DPY19L2: variants seen among roughly 807,000 people sequenced by gnomAD.
DPY19L2 encodes the protein dpy-19 like 2.
DPY19L2 carries 34 observed loss-of-function variants against 97.9 expected under a neutral mutation model. The observed-to-expected ratio is 0.35, with a 90% CI of 0.26 to 0.46. The LOEUF (loss-of-function observed/expected upper bound fraction) is 0.46. Among genes scored for constraint, DPY19L2 ranks in the 20% least tolerant of loss-of-function variants. The pLI, the probability that DPY19L2 is intolerant of heterozygous loss-of-function variation, is 1.00. For synonymous variants in DPY19L2, 230 were observed against 307.9 expected (o/e 0.75, Z 2.65); for missense variants, 623 against 911.4 (o/e 0.68, Z 4.07).
chr12:63,668,043 T>C lies in DPY19L2; in HGVS notation c.337+14A>G. 2 of 1,611,732 alleles carry C rather than the reference T, an allele frequency of 1.2e-6. No homozygotes were observed. Among genetic ancestry groups the C allele is most frequent in the Non-Finnish European group, 1.7e-6 (2 of 1,178,850 alleles). ...ATGCGGCTCCCTCCTAGGGCTCTCC[T>C]GCCCTCTCCTCACCGATGCCGAGAG... is the stretch of plus-strand genomic sequence containing the variant. On this transcript the variant is annotated intron_variant, in intron 1 of 21. Coordinates refer to ENST00000324472, the MANE Select transcript of DPY19L2 (RefSeq NM_173812.5).
At position 63,592,970 on chromosome 12, in the gene DPY19L2, G is replaced by A. The variant is rs1385938520; in HGVS notation, c.1580+1117C>T. ...AAAAAACAAACAACCCCATCAAAAA[G>A]TGGGTGAAGGACATGAACAGACACT... On this transcript the variant is annotated intron_variant, in intron 16 of 21. Coordinates refer to ENST00000324472, the MANE Select transcript of DPY19L2 (RefSeq NM_173812.5). 3.1e-3 allele frequency among the ~76,000 whole-genome samples: 466 copies of A among 151,366 alleles called. 1 individual carries two copies. Among genetic ancestry groups the A allele is most frequent in the Non-Finnish European group, 4.4e-3 (300 of 67,782 alleles).
chr12:63,567,949 G>A (rs1193543730), intron 21 of DPY19L2, among the ~76,000 whole-genome samples: 4 of 151,862 alleles, frequency 2.6e-5, no homozygotes, highest in South Asian at 4.1e-4. Flanking sequence ...TGACTATAAT[G>A]TTCCTTGCTT....
chr12:63,594,173 T>A (rs1883686447), intron 15 of DPY19L2, 40 bp from the exon 16 acceptor site: 3 of 1,352,830 alleles, frequency 2.2e-6, no homozygotes, highest in African/African-American at 2.9e-5. Flanking sequence ...TTGTAAGGAA[T>A]ACTGCAATAT....
intron 21 of DPY19L2, among the ~76,000 whole-genome samples, chr12:63,567,071 C>T (rs1877871901): frequency 6.6e-6 from 1 of 152,048 alleles, no homozygotes; most frequent in Non-Finnish European, 1.5e-5. Flanking sequence ...AATATTCACT[C>T]TACAGTGCCA....
chr12:63,585,657 G>A (rs1881674069), intron 16 of DPY19L2, among the ~76,000 whole-genome samples: 1 of 152,122 alleles, frequency 6.6e-6, no homozygotes, highest in African/African-American at 2.4e-5. Flanking sequence ...CAAGAACCCT[G>A]AAAGTAACTA....
At chr12:63,638,203 G>A (rs1386279372) in intron 6 of DPY19L2, among the ~76,000 whole-genome samples, 1 of 152,062 alleles carries the variant, frequency 6.6e-6, no homozygotes, top group Non-Finnish European at 1.5e-5. Context: ...TTGATGGGAT[G>A]TATCTCAAAA....
chr12:63,652,353 A>G (rs1174527284), intron 4 of DPY19L2, among the ~76,000 whole-genome samples: 1 of 152,148 alleles, frequency 6.6e-6, no homozygotes, highest in East Asian at 1.9e-4. Context: ...ACACTGTGGA[A>G]AGCAGTTTGG....
In DPY19L2 at chr12:63,661,497, G is replaced by T. The variant is rs552749867; in HGVS notation, c.451-16C>A. ...AATAAAGTCCCTTTTTTTAAAAAAAGACATATATTGTCAATGTAATTAAAA... is the reference window on the plus strand; with the variant it reads ...AATAAAGTCCCTTTTTTTAAAAAAATACATATATTGTCAATGTAATTAAAA... On this transcript the variant is annotated splice_polypyrimidine_tract_variant and intron_variant, in intron 3 of 21. Coordinates refer to ENST00000324472, the MANE Select transcript of DPY19L2 (RefSeq NM_173812.5). The T allele has an allele frequency of 6.7e-7, 1 of 1,492,198 alleles. No individual in the cohort carries two copies. The highest frequency in any genetic ancestry group is 8.9e-7 in the Non-Finnish European group (1 of 1,119,514). 92.4% of individuals were successfully genotyped at this position (1,492,198 alleles called of 1,614,324 possible).
At chr12:63,601,251 C>T (rs1336514245) in intron 12 of DPY19L2, among the ~76,000 whole-genome samples, 2 of 152,116 alleles carry the variant, frequency 1.3e-5, no homozygotes, top group Non-Finnish European at 2.9e-5. Flanking sequence ...AGCCCATCAT[C>T]AAGAAATAAC....
At chr12:63,571,618 G>A (rs534063262) in intron 19 of DPY19L2, among the ~76,000 whole-genome samples, 2 of 152,228 alleles carry the variant, frequency 1.3e-5, no homozygotes, top group East Asian at 3.9e-4. Context: ...AAAAAGGAAA[G>A]CATTGTTTTC....
At chr12:63,603,431 A>G (rs1231963260) in intron 12 of DPY19L2, among the ~76,000 whole-genome samples, 1 of 152,114 alleles carries the variant, frequency 6.6e-6, no homozygotes, top group Non-Finnish European at 1.5e-5. Context: ...ATAGGTAAAC[A>G]TGTGCCATGG....
chr12:63,618,417 T>C (rs569477609), intron 9 of DPY19L2, among the ~76,000 whole-genome samples, 189 bp from the exon 10 acceptor site: 1 of 152,188 alleles, frequency 6.6e-6, no homozygotes. Context: ...AAAATATTTT[T>C]TAAATACGTA....
intron 1 of DPY19L2, among the ~76,000 whole-genome samples, chr12:63,666,846 T>C (rs1458811378): frequency 6.6e-6 from 1 of 152,200 alleles, no homozygotes; most frequent in Non-Finnish European, 1.5e-5. Context: ...TGGCAAGTCA[T>C]CTTATAAACC....
rs772440579 is a variant in DPY19L2 at position 63,600,316 on chromosome 12, A to C, written c.1349T>G (p.Val450Gly). 1 of 1,607,688 alleles carries C rather than the reference A, an allele frequency of 6.2e-7. No homozygotes were observed. Among genetic ancestry groups the C allele is most frequent in the Non-Finnish European group, 8.5e-7 (1 of 1,176,176 alleles). Reference protein sequence around the residue: ...LKFLTSKILGVSDHIRLSDLI... With the variant: ...LKFLTSKILGGSDHIRLSDLI... Reference sequence around the variant, plus strand: ...CTAAAAAGTACTTACGTGGTCTGAAACGCCTAAGATTTTAGATGTCAGAAA... The same window carrying C: ...CTAAAAAGTACTTACGTGGTCTGAACCGCCTAAGATTTTAGATGTCAGAAA... The change falls in exon 13 of 22, where the codon GTT becomes GGT. Residue 450 changes from valine (V) to glycine (G), a missense_variant. Around this residue, in one of 6 missense-constraint regions of DPY19L2, gnomAD observed 294 missense variants for 446.2 expected, o/e 0.66. Transcript: ENST00000324472.
At chr12:63,605,840 T>G (rs556546298) in intron 12 of DPY19L2, among the ~76,000 whole-genome samples, 4 of 152,318 alleles carry the variant, frequency 2.6e-5, no homozygotes, top group African/African-American at 7.2e-5. Flanking sequence ...CAGCATCATT[T>G]AGTGACATGT....
chr12:63,664,505 A>G (rs1420987526), intron 2 of DPY19L2, among the ~76,000 whole-genome samples: 3 of 152,140 alleles, frequency 2.0e-5, no homozygotes, highest in Admixed American at 6.5e-5. Context: ...AAATACCTCC[A>G]TAACTGTTGA....
chr12:63,576,817 T>A (rs928265013), intron 19 of DPY19L2, among the ~76,000 whole-genome samples: 1 of 152,012 alleles, frequency 6.6e-6, no homozygotes, highest in Non-Finnish European at 1.5e-5. Flanking sequence ...CTATTCCATG[T>A]TCAAGCATTG....
intron 11 of DPY19L2, among the ~76,000 whole-genome samples, chr12:63,611,367 A>AC: frequency 6.6e-6 from 1 of 151,878 alleles, no homozygotes; most frequent in African/African-American, 2.4e-5. Flanking sequence ...CCAGCAGCTA[A>AC]CAAGGTAAAA....
chr12:63,594,491 G>GTGTGTGTGTA (rs58963302), intron 15 of DPY19L2, among the ~76,000 whole-genome samples: 51 of 144,646 alleles, frequency 3.5e-4, no homozygotes, highest in African/African-American at 1.3e-3. Context: ...GTGTGTGTGT[G>GTGTGTGTGTA]TATGAAACTT....
Sources: allele counts gnomAD v4.1 joint callset (sites outside exome capture counted in the v4.1 genomes callset), GRCh38; gene constraint gnomAD v4.1.1; regional missense constraint gnomAD v4.1.1; transcripts MANE v1.5; gene names NCBI Gene and HGNC (gene_info 2026-07-23, HGNC 2026-07-21).